Variants in AGBL4 observed in about 807,000 individuals in gnomAD.
The protein encoded by AGBL4 is cytosolic carboxypeptidase 6.
In AGBL4, 58 loss-of-function variants were observed where a neutral mutation model predicts 66.4. That is an observed-to-expected ratio of 0.87 (90% confidence interval 0.71 to 1.09). AGBL4 has a LOEUF of 1.09. AGBL4 is among the 50% of genes least tolerant of loss of function. The pLI is 0.00. For synonymous variants in AGBL4, 234 were observed against 222.9 expected, an observed-to-expected ratio of 1.05 and a Z score of -0.44; for missense variants, 579 against 631.0, an observed-to-expected ratio of 0.92 and a Z score of 0.88.
chr1:49,612,327 TA>T (rs1360747524), intron 3 of AGBL4, among the ~76,000 whole-genome samples: 2 of 152,190 alleles, frequency 1.3e-5, no homozygotes, highest in Non-Finnish European at 2.9e-5. Context: ...TATAAGTAAT[TA>T]ATTGGATTTT....
intron 6 of AGBL4, among the ~76,000 whole-genome samples, chr1:48,784,522 A>G (rs1184621605): frequency 1.3e-5 from 2 of 152,232 alleles, no homozygotes; most frequent in African/African-American, 4.8e-5. Flanking sequence ...ACCTGCAGCA[A>G]ATACTTCTGA....
At chr1:49,489,362 A>AT (rs1211026547) in intron 3 of AGBL4, among the ~76,000 whole-genome samples, 1 of 151,576 alleles carries the variant, frequency 6.6e-6, no homozygotes, top group Non-Finnish European at 1.5e-5. Context: ...TCTTTTGCTT[A>AT]TTTTTTTAAA....
At chr1:49,071,096 T>C (rs1211656244) in intron 4 of AGBL4, among the ~76,000 whole-genome samples, 2 of 151,980 alleles carry the variant, frequency 1.3e-5, no homozygotes, top group Admixed American at 6.5e-5. Flanking sequence ...GATATCCCCT[T>C]TATCATTTTT....
chr1:49,129,172 G>C lies in AGBL4; in HGVS notation c.378-83372C>G, dbSNP rs1645830445. Among the ~76,000 whole-genome samples the C allele has an allele frequency of 2.6e-5, 4 of 151,890 alleles. No homozygotes were observed. The South Asian group carries it at 8.3e-4, about 31-fold the overall frequency. ...ATTGAATACTACTACATACCCACTA[G>C]AATGGCTACAATTAAAAATATTGAC... On this transcript the variant is annotated intron_variant, in intron 4 of 13. Transcript: ENST00000371839.
chr1:49,947,497 T>C (rs1415347189), intron 1 of AGBL4, among the ~76,000 whole-genome samples: 1 of 151,862 alleles, frequency 6.6e-6, no homozygotes, highest in Non-Finnish European at 1.5e-5. Context: ...CAGCATCCCT[T>C]TATGATTAAA....
At chr1:49,002,024 C>G (rs1220405511) in intron 5 of AGBL4, among the ~76,000 whole-genome samples, 1 of 152,070 alleles carries the variant, frequency 6.6e-6, no homozygotes, top group Non-Finnish European at 1.5e-5. Context: ...AGATACTTAG[C>G]CTAATGTCTA....
At chr1:49,479,404 G>A (rs1646909356) in intron 3 of AGBL4, among the ~76,000 whole-genome samples, 2 of 151,700 alleles carry the variant, frequency 1.3e-5, no homozygotes, top group Admixed American at 1.3e-4. Flanking sequence ...TCATCACCCC[G>A]GTGTTAAGCC....
At chr1:48,835,010 C>T (rs1452358021) in intron 6 of AGBL4, among the ~76,000 whole-genome samples, 1 of 152,096 alleles carries the variant, frequency 6.6e-6, no homozygotes, top group Admixed American at 6.6e-5. Flanking sequence ...CAAACAAATG[C>T]CTTATCCTAA....
At chr1:49,570,261 A>C (rs1205072579) in intron 3 of AGBL4, among the ~76,000 whole-genome samples, 1 of 152,090 alleles carries the variant, frequency 6.6e-6, no homozygotes, top group Non-Finnish European at 1.5e-5. Context: ...CTTTTTAATA[A>C]TAGCCATTCT....
intron 3 of AGBL4, among the ~76,000 whole-genome samples, chr1:49,276,907 T>A (rs1207076116): frequency 2.6e-5 from 4 of 152,170 alleles, no homozygotes; most frequent in African/African-American, 9.7e-5. Flanking sequence ...ATCTGCCTTT[T>A]GTGTGTTGAT....
rs548612406 is a variant in AGBL4 at position 48,991,458 on chromosome 1, T to G, written c.594+54126A>C. Among the ~76,000 whole-genome samples the G allele has an allele frequency of 5.3e-5, 8 of 152,274 alleles. No homozygotes were observed. In the South Asian group the frequency reaches 1.4e-3, roughly 28 times the overall value. ...ATCATTAAATGCCTTGAAGTAGTCT[T>G]CTTTTGGTTAAATATGCTAGGTGTT... On this transcript the variant is annotated intron_variant, in intron 5 of 13. Coordinates refer to ENST00000371839, the MANE Select transcript of AGBL4 (RefSeq NM_032785.4).
rs1644871550 is a variant in AGBL4 at position 49,597,372 on chromosome 1, A to T, written c.282+99941T>A. 2.6e-5 allele frequency among the ~76,000 whole-genome samples: 4 copies of T among 152,228 alleles called. No homozygotes were observed. The South Asian group carries it at 8.3e-4, about 31-fold the overall frequency. On this transcript the variant is annotated intron_variant, in intron 3 of 13. Transcript: ENST00000371839. The stretch of plus-strand genomic sequence containing the variant: ...CAAGTCTGCAAAGGAAAAGTACAGA[A>T]TGCAAGGAAAACAAAATGGGGTCCT...
chr1:49,588,989 G>A (rs1272741159), intron 3 of AGBL4, among the ~76,000 whole-genome samples: 1 of 152,126 alleles, frequency 6.6e-6, no homozygotes, highest in African/African-American at 2.4e-5. Context: ...GGGATGCAAG[G>A]TAAATTCTAG....
intron 6 of AGBL4, among the ~76,000 whole-genome samples, chr1:48,837,688 G>A (rs12750455): frequency 4.6e-4 from 37 of 80,618 alleles, no homozygotes; most frequent in Non-Finnish European, 5.9e-4. Context: ...ACACACACAC[G>A]CACACACACG....
At chr1:49,303,274 C>T (rs1035864726) in intron 3 of AGBL4, among the ~76,000 whole-genome samples, 24 of 152,124 alleles carry the variant, frequency 1.6e-4, no homozygotes, top group African/African-American at 5.8e-4. Context: ...TACATTCCCA[C>T]CAACAGTGTA....
chr1:49,947,537 A>AT (rs200738631), intron 1 of AGBL4, among the ~76,000 whole-genome samples: 345 of 151,898 alleles, frequency 2.3e-3, no homozygotes, highest in African/African-American at 8.0e-3. Flanking sequence ...TACAAAGGAC[A>AT]TATCTCGTTG....
At chr1:49,810,075 A>T (rs961100605) in intron 2 of AGBL4, among the ~76,000 whole-genome samples, 3 of 152,184 alleles carry the variant, frequency 2.0e-5, no homozygotes, top group Admixed American at 6.6e-5. Context: ...GATGCTTTAC[A>T]TATCATACAA....
intron 1 of AGBL4, among the ~76,000 whole-genome samples, chr1:49,884,646 G>T (rs998091176): frequency 6.6e-6 from 1 of 151,378 alleles, no homozygotes; most frequent in African/African-American, 2.4e-5. Context: ...TAACACAATG[G>T]TTTTTTTCAA....
chr1:49,261,398 A>G (rs1436605601), intron 3 of AGBL4, among the ~76,000 whole-genome samples: 1 of 152,196 alleles, frequency 6.6e-6, no homozygotes, highest in Non-Finnish European at 1.5e-5. Context: ...ATGATTGTAT[A>G]TCTAGAAGAC....
Sources: gnomAD v4.1 joint callset for allele counts (sites outside exome capture counted in the v4.1 genomes callset) on GRCh38, gnomAD v4.1.1 for gene constraint, MANE v1.5 for transcripts, NCBI Gene and HGNC (gene_info 2026-07-23, HGNC 2026-07-21) for gene names.